Variants in CEP112 observed in about 807,000 individuals in gnomAD.
CEP112 encodes the protein centrosomal protein 112.
In CEP112, 127 loss-of-function variants were observed where a neutral mutation model predicts 153.0. That is an observed-to-expected ratio of 0.83 (90% CI 0.72 to 0.96). The LOEUF (loss-of-function observed/expected upper bound fraction) is 0.96. Among genes scored for constraint, CEP112 ranks in the 40% least tolerant of loss-of-function variants. The pLI is 0.00. For synonymous variants in CEP112, 358 were observed against 374.4 expected (o/e 0.96, Z 0.51); for missense variants, 1,089 against 1,101.2 (o/e 0.99, Z 0.16).
intron 22 of CEP112, among the ~76,000 whole-genome samples, chr17:65,749,593 T>G (rs1451645080): frequency 6.6e-6 from 1 of 152,140 alleles, no homozygotes; most frequent in Non-Finnish European, 1.5e-5. Flanking sequence ...AACTTCCACT[T>G]TGAAGTCAGA....
At chr17:65,883,033 A>G (rs2059142240) in intron 20 of CEP112, among the ~76,000 whole-genome samples, 1 of 152,098 alleles carries the variant, frequency 6.6e-6, no homozygotes, top group Non-Finnish European at 1.5e-5. Context: ...TGTACTAGGA[A>G]CCTTTTAGGC....
rs143454464 is a variant in CEP112 at position 65,671,978 on chromosome 17, G to A, written c.2697+17151C>T. Among the ~76,000 whole-genome samples, 540 of 152,256 alleles carry A rather than the reference G, an allele frequency of 3.5e-3. 6 individuals are homozygous for A. The highest frequency in any genetic ancestry group is 0.012 in the African/African-American group (516 of 41,558). ...ATGACAAACATTAATAAATAAGGAT[G>A]AAATACAGGAAGGAAGATACAAACA... On this transcript the variant is annotated intron_variant, in intron 24 of 26. Transcript: ENST00000535342.
At chr17:65,795,149 T>A (rs2054836161) in intron 21 of CEP112, among the ~76,000 whole-genome samples, 1 of 152,202 alleles carries the variant, frequency 6.6e-6, no homozygotes, top group Non-Finnish European at 1.5e-5. Flanking sequence ...GCTGTCCTAG[T>A]CACAGAGCTC....
At chr17:65,687,972 C>T (rs1174682091) in intron 24 of CEP112, among the ~76,000 whole-genome samples, 3 of 152,194 alleles carry the variant, frequency 2.0e-5, no homozygotes, top group African/African-American at 7.2e-5. Flanking sequence ...CACTCAACAG[C>T]TGAGGGCAAT....
rs12947146 is a variant in CEP112 at position 65,679,169 on chromosome 17, T to C, written c.2697+9960A>G. On this transcript the variant is annotated intron_variant, in intron 24 of 26. Transcript: ENST00000535342. ...TTTTTTTTTTTTTTTTTTTTTTTTT[T>C]TTCAGAAAACAGAGGCAAGTGTTCA... is the stretch of plus-strand genomic sequence containing the variant. Among the ~76,000 whole-genome samples, 883 of 116,300 alleles carry C rather than the reference T, an allele frequency of 7.6e-3. 2 individuals are homozygous for C. Among genetic ancestry groups the C allele is most frequent in the African/African-American group, 0.032 (823 of 26,006 alleles). The allele number at this position is 116,300 out of a possible 152,430, so 76.3% of individuals were successfully genotyped here.
At chr17:65,745,610 T>C (rs1382323039) in intron 22 of CEP112, among the ~76,000 whole-genome samples, 1 of 152,186 alleles carries the variant, frequency 6.6e-6, no homozygotes, top group Non-Finnish European at 1.5e-5. Context: ...GAGTAAACTA[T>C]AACTTTGTAG....
chr17:66,101,187 T>C (rs2068555348), intron 6 of CEP112, among the ~76,000 whole-genome samples: 1 of 152,146 alleles, frequency 6.6e-6, no homozygotes, highest in African/African-American at 2.4e-5. Context: ...TTTATTTATA[T>C]ATTTATGAAA....
At chr17:66,168,808 C>A (rs922524441) in intron 4 of CEP112, among the ~76,000 whole-genome samples, 3 of 151,980 alleles carry the variant, frequency 2.0e-5, no homozygotes, top group African/African-American at 7.3e-5. Flanking sequence ...AACTACAAAC[C>A]CCAACATCGG....
intron 17 of CEP112, among the ~76,000 whole-genome samples, chr17:65,987,172 T>A (rs1347074073): frequency 6.6e-6 from 1 of 152,100 alleles, no homozygotes. Context: ...ACCGTCTCTA[T>A]GAAATACAAG....
intron 23 of CEP112, among the ~76,000 whole-genome samples, chr17:65,719,926 A>AGG (rs1567912106): frequency 4.8e-4 from 73 of 151,870 alleles, no homozygotes; most frequent in African/African-American, 1.6e-3. Context: ...TGTGGAGGAG[A>AGG]GGTTGGAAGG....
intron 4 of CEP112, among the ~76,000 whole-genome samples, chr17:66,155,414 T>C (rs2071394807): frequency 6.6e-6 from 1 of 151,998 alleles, no homozygotes. Context: ...GAGATTCCCT[T>C]AGGTGCCTAC....
intron 8 of CEP112, among the ~76,000 whole-genome samples, chr17:66,076,931 T>G (rs920914384): frequency 1.3e-5 from 2 of 152,094 alleles, no homozygotes; most frequent in African/African-American, 4.8e-5. Context: ...ACTCGCTGGG[T>G]GGCTAGACCC....
intron 20 of CEP112, among the ~76,000 whole-genome samples, chr17:65,896,019 T>G (rs2059647372): frequency 6.6e-6 from 1 of 152,064 alleles, no homozygotes. Flanking sequence ...TTAAATATAA[T>G]GAGAACAAAA....
rs1315087725 is a variant in CEP112 at position 65,723,211 on chromosome 17, A to G, written c.2607+19857T>C. 1.3e-5 allele frequency among the ~76,000 whole-genome samples: 2 copies of G among 152,196 alleles called. 1 individual carries two copies. Among genetic ancestry groups the G allele is most frequent in the East Asian group, 3.8e-4 (2 of 5,200 alleles). On this transcript the variant is annotated intron_variant, in intron 23 of 26. Transcript: ENST00000535342. ...AGACATGAACTTACAATGAGATGCT[A>G]TTTATTAACCATGCCAAAGAAAAAA...
chr17:66,168,533 A>ATG lies in CEP112; in HGVS notation c.470+6509_470+6510dup, dbSNP rs1273410076. Among the ~76,000 whole-genome samples, 61 of 150,806 alleles carry ATG rather than the reference A, an allele frequency of 4.0e-4. 1 individual carries two copies. The highest frequency in any genetic ancestry group is 1.0e-3 in the African/African-American group (43 of 41,124). On this transcript the variant is annotated intron_variant, in intron 4 of 26. Transcript: ENST00000535342. ...TATGTGTGTGTATATATATGTATAT[A>ATG]TGTGTGTGTGTGTGTATATATATAT... is the stretch of plus-strand genomic sequence containing the variant.
chr17:65,728,648 C>T (rs1026914078), intron 23 of CEP112, among the ~76,000 whole-genome samples: 3 of 152,240 alleles, frequency 2.0e-5, no homozygotes, highest in African/African-American at 7.2e-5. Flanking sequence ...TGTTACTATA[C>T]TGTAACATTA....
At chr17:66,183,089 T>C in intron 2 of CEP112, 105 bp downstream of exon 2, 1 of 744,012 alleles carries the variant, frequency 1.3e-6, no homozygotes, top group Non-Finnish European at 2.1e-6. Context: ...AAATTGTTAC[T>C]AGAGAAATTC....
chr17:65,920,404 T>TATATATATATATATATATAA (rs1411367503), intron 19 of CEP112, among the ~76,000 whole-genome samples: 1 of 111,370 alleles, frequency 9.0e-6, no homozygotes. Context: ...TATATATATA[T>TATATATATATATATATATAA]AATTATAATA....
At chr17:65,731,221 T>C (rs1190553112) in intron 23 of CEP112, among the ~76,000 whole-genome samples, 1 of 152,138 alleles carries the variant, frequency 6.6e-6, no homozygotes, top group African/African-American at 2.4e-5. Flanking sequence ...ACCGCGGAGA[T>C]ACTCCAAGTT....
Sources: allele counts gnomAD v4.1 joint callset (sites outside exome capture counted in the v4.1 genomes callset), GRCh38; gene constraint gnomAD v4.1.1; transcripts MANE v1.5; gene names NCBI Gene and HGNC (gene_info 2026-07-23, HGNC 2026-07-21).